Variants in NUBPL observed in about 807,000 individuals in gnomAD.
NUBPL encodes the protein NUBP iron-sulfur cluster assembly factor, mitochondrial, also known as iron-sulfur cluster transfer protein NUBPL.
A neutral mutation model predicts 45.7 loss-of-function variants in NUBPL; 31 were observed. The ratio of observed to expected loss-of-function variants is 0.68; its 90% CI spans 0.51 to 0.92. The LOEUF (loss-of-function observed/expected upper bound fraction) is 0.92, where lower values mean the gene tolerates loss of function less well. Ranked by LOEUF, NUBPL falls within the 40% of genes least tolerant of loss-of-function variation. The pLI, the probability that NUBPL is intolerant of heterozygous loss-of-function variation, is 0.00. For missense variants in NUBPL, 401 were observed against 398.7 expected (o/e 1.01, Z -0.05); for synonymous variants, 144 against 140.9 (o/e 1.02, Z -0.15).
At chr14:31,574,501 G>C (rs1249109283) in intron 3 of NUBPL, among the ~76,000 whole-genome samples, 1 of 151,386 alleles carries the variant, frequency 6.6e-6, no homozygotes, top group African/African-American at 2.4e-5. Context: ...CTGACCTCAA[G>C]AGATCTGCCC....
At chr14:31,652,457 C>G (rs944276840) in intron 4 of NUBPL, among the ~76,000 whole-genome samples, 1 of 151,968 alleles carries the variant, frequency 6.6e-6, no homozygotes, top group Non-Finnish European at 1.5e-5. Flanking sequence ...GTTCTCACCA[C>G]AAAAAATTGA....
chr14:31,851,664 C>T (rs1282905948), intron 10 of NUBPL, among the ~76,000 whole-genome samples: 1 of 152,116 alleles, frequency 6.6e-6, no homozygotes, highest in Non-Finnish European at 1.5e-5. Flanking sequence ...CCTTTATCAT[C>T]TTGGTAATTA....
chr14:31,844,864 A>G (rs916884705), intron 8 of NUBPL: 1 of 152,254 alleles, frequency 6.6e-6, no homozygotes, highest in African/African-American at 2.4e-5. Flanking sequence ...GAAGAGAGCT[A>G]CTGCTCCTCA....
At chr14:31,756,866 A>G (rs2038677852) in intron 6 of NUBPL, among the ~76,000 whole-genome samples, 1 of 149,748 alleles carries the variant, frequency 6.7e-6, no homozygotes, top group African/African-American at 2.5e-5. Context: ...TTATTTTGAG[A>G]TACGTCCCAT....
chr14:31,658,054 A>G (rs969790919), intron 4 of NUBPL, among the ~76,000 whole-genome samples: 2 of 152,246 alleles, frequency 1.3e-5, no homozygotes, highest in African/African-American at 2.4e-5. Context: ...TGTTTAAAAG[A>G]TGATTCATAT....
intron 6 of NUBPL, among the ~76,000 whole-genome samples, chr14:31,728,945 T>C (rs2037985397): frequency 6.6e-6 from 1 of 152,008 alleles, no homozygotes; most frequent in Non-Finnish European, 1.5e-5. Flanking sequence ...AATTAAGGAG[T>C]TTAAGCACCT....
At chr14:31,617,875 G>C (rs1437724977) in intron 4 of NUBPL, among the ~76,000 whole-genome samples, 1 of 152,170 alleles carries the variant, frequency 6.6e-6, no homozygotes, top group Admixed American at 6.5e-5. Flanking sequence ...TTGTACCTCT[G>C]GTAGAATTAG....
At chr14:31,604,502 A>T (rs560926135) in intron 4 of NUBPL, among the ~76,000 whole-genome samples, 1 of 152,320 alleles carries the variant, frequency 6.6e-6, no homozygotes, top group Admixed American at 6.5e-5. Context: ...AGACCAGTGA[A>T]TTGAATCCCA....
rs2037837271 is a variant in NUBPL at position 31,722,694 on chromosome 14, C to T, written c.513+49120C>T. On this transcript the variant is annotated intron_variant, in intron 6 of 10. Transcript: ENST00000281081. ...TGCATTTCTCTAACGATCAGTGATG[C>T]TGAGCTTGTTTTCATATGTTTGTTG... Among the ~76,000 whole-genome samples the T allele has an allele frequency of 2.6e-5, 4 of 152,110 alleles. No individual in the cohort carries two copies. The South Asian group carries it at 8.3e-4, about 32-fold the overall frequency.
intron 3 of NUBPL, among the ~76,000 whole-genome samples, chr14:31,584,729 C>T (rs965647818): frequency 1.3e-5 from 2 of 152,182 alleles, no homozygotes; most frequent in South Asian, 2.1e-4. Flanking sequence ...TAACAAACTA[C>T]TGTAGACTGT....
chr14:31,737,148 C>G (rs2038182737), intron 6 of NUBPL, among the ~76,000 whole-genome samples: 1 of 152,068 alleles, frequency 6.6e-6, no homozygotes, highest in African/African-American at 2.4e-5. Context: ...CTGTAAAATG[C>G]TCTTCTAATT....
chr14:31,628,702 C>T (rs925906223), intron 4 of NUBPL, among the ~76,000 whole-genome samples: 3 of 152,068 alleles, frequency 2.0e-5, no homozygotes, highest in African/African-American at 7.2e-5. Context: ...CAGCTTGCAA[C>T]TCAAACAATT....
intron 4 of NUBPL, among the ~76,000 whole-genome samples, chr14:31,606,239 G>A (rs371555079): frequency 7.3e-5 from 11 of 151,310 alleles, no homozygotes; most frequent in East Asian, 5.8e-4. Context: ...GACTACAGGC[G>A]TGTGCCACCA....
chr14:31,605,676 A>G (rs543547026), intron 4 of NUBPL, among the ~76,000 whole-genome samples: 5 of 152,172 alleles, frequency 3.3e-5, no homozygotes, highest in Non-Finnish European at 7.4e-5. Context: ...GATAAAAACT[A>G]CAAAGAAGGG....
In NUBPL at chr14:31,839,986, C is replaced by A. The variant is rs375460751; in HGVS notation, c.694-6485C>A. ...GGCGAGGATGTGAAGAAAAGGGAAC[C>A]CTTGCACCCTTTGGGTGGAAATATA... On this transcript the variant is annotated intron_variant, in intron 8 of 10. Transcript: ENST00000281081. 2.0e-5 allele frequency among the ~76,000 whole-genome samples: 3 copies of A among 152,212 alleles called. 1 individual carries two copies. Among genetic ancestry groups the A allele is most frequent in the African/African-American group, 7.2e-5 (3 of 41,546 alleles).
intron 8 of NUBPL, chr14:31,844,012 A>T (rs2040415953): frequency 6.6e-6 from 1 of 152,178 alleles, no homozygotes; most frequent in Non-Finnish European, 1.5e-5. Context: ...ATATATTAAG[A>T]GCTCGTTAAA....
intron 4 of NUBPL, among the ~76,000 whole-genome samples, chr14:31,665,315 A>G (rs1415144185): frequency 6.6e-6 from 1 of 152,052 alleles, no homozygotes; most frequent in Non-Finnish European, 1.5e-5. Flanking sequence ...TTGTGATGTT[A>G]AGGTGTCTAT....
chr14:31,639,352 G>C (rs1161486430), intron 4 of NUBPL, among the ~76,000 whole-genome samples: 1 of 152,198 alleles, frequency 6.6e-6, no homozygotes, highest in Non-Finnish European at 1.5e-5. Context: ...GTCCACTCCA[G>C]ACTCTGTTTG....
At chr14:31,608,868 C>T (rs191144648) in intron 4 of NUBPL, among the ~76,000 whole-genome samples, 1 of 152,060 alleles carries the variant, frequency 6.6e-6, no homozygotes, top group African/African-American at 2.4e-5. Flanking sequence ...GGTTGGGGAC[C>T]CCTGGGTTAT....
Sources: gnomAD v4.1 joint callset for allele counts (sites outside exome capture counted in the v4.1 genomes callset) on GRCh38, gnomAD v4.1.1 for gene constraint, MANE v1.5 for transcripts, NCBI Gene and HGNC (gene_info 2026-07-23, HGNC 2026-07-21) for gene names.